The following KIAA1217 variants were observed in gnomAD, a reference collection of about 807,000 sequenced individuals.
KIAA1217 encodes the protein sickle tail protein homolog.
KIAA1217 carries 88 observed loss-of-function variants against 163.9 expected under a neutral mutation model. The observed-to-expected ratio is 0.54, with a 90% CI of 0.45 to 0.64. KIAA1217 has a LOEUF of 0.64. Ranked by LOEUF, KIAA1217 falls within the 30% of genes least tolerant of loss-of-function variation. The pLI is 0.00. For synonymous variants in KIAA1217, 903 were observed against 923.1 expected, an observed-to-expected ratio of 0.98 and a Z score of 0.39; for missense variants, 2,372 against 2,475.0, an observed-to-expected ratio of 0.96 and a Z score of 0.88.
chr10:24,483,049 A>C (rs969378056), intron 6 of KIAA1217: 1 of 151,430 alleles, frequency 6.6e-6, no homozygotes, highest in African/African-American at 2.4e-5. Context: ...GTCTGTATAT[A>C]CTCATGCAGG....
chr10:24,528,310 T>G (rs987209123), intron 14 of KIAA1217, among the ~76,000 whole-genome samples, 191 bp downstream of exon 14: 3 of 75,312 alleles, frequency 4.0e-5, no homozygotes, highest in Non-Finnish European at 6.1e-5. Context: ...TCTCTTTTTG[T>G]TTTTTTTTTT....
At chr10:24,100,657 C>T (rs1431074115) in intron 2 of KIAA1217, among the ~76,000 whole-genome samples, 1 of 152,170 alleles carries the variant, frequency 6.6e-6, no homozygotes, top group Non-Finnish European at 1.5e-5. Context: ...CAGTTGCCTT[C>T]AAGGCAATAA....
intron 1 of KIAA1217, among the ~76,000 whole-genome samples, chr10:23,959,203 T>C (rs1844709183): frequency 1.3e-5 from 2 of 152,114 alleles, no homozygotes; most frequent in Admixed American, 6.5e-5. Flanking sequence ...TTCCCTTTCT[T>C]ACCTATTGCC....
intron 1 of KIAA1217, among the ~76,000 whole-genome samples, chr10:23,969,966 T>G (rs1000645585): frequency 4.6e-5 from 7 of 151,760 alleles, no homozygotes; most frequent in African/African-American, 1.2e-4. Context: ...GCAAAAGGGG[T>G]TTTTGCCCTT....
chr10:24,482,338 G>A (rs926471197), intron 6 of KIAA1217: 3 of 152,204 alleles, frequency 2.0e-5, no homozygotes, highest in African/African-American at 7.2e-5. Context: ...AGAAACTTAA[G>A]CCAGAAAAAA....
At chr10:24,004,807 GGAA>G (rs1846918404) in intron 1 of KIAA1217, among the ~76,000 whole-genome samples, 1 of 152,208 alleles carries the variant, frequency 6.6e-6, no homozygotes, top group African/African-American at 2.4e-5. Context: ...AAGATTTGGA[GGAA>G]GAAGAGCAGA....
chr10:24,363,087 T>G (rs1022493648), intron 2 of KIAA1217, among the ~76,000 whole-genome samples: 33 of 152,222 alleles, frequency 2.2e-4, no homozygotes, highest in African/African-American at 6.8e-4. Flanking sequence ...TTACTGATAC[T>G]TTTCTTTGTG....
chr10:24,068,392 T>G (rs113347243), intron 2 of KIAA1217, among the ~76,000 whole-genome samples: 21 of 152,246 alleles, frequency 1.4e-4, no homozygotes, highest in Non-Finnish European at 2.8e-4. Context: ...ACTGTTCTAC[T>G]GAGCTCACTG....
rs190667318 is a variant in KIAA1217, at chr10:24,301,977, G to A, written c.355-78892G>A. On this transcript the variant is annotated intron_variant, in intron 2 of 20. Transcript: ENST00000376454. Reference sequence around the variant, plus strand: ...GGAGAATCACTTGAACCGGGGAGGCGGAGGCTGCAGTGAGCCGAGATCACG... The same window carrying A: ...GGAGAATCACTTGAACCGGGGAGGCAGAGGCTGCAGTGAGCCGAGATCACG... Among the ~76,000 whole-genome samples, 299 of 152,194 alleles carry A rather than the reference G, an allele frequency of 2.0e-3. 1 individual carries two copies. Among genetic ancestry groups the A allele is most frequent in the Non-Finnish European group, 2.7e-3 (185 of 68,020 alleles).
In KIAA1217 at chr10:24,406,985, G is replaced by A. The variant is rs114155416; in HGVS notation, c.553+25918G>A. ...GCACCTGTCACTGGGTGAGCGCAGA[G>A]CCTTCTATAAAAACATCAGGAACAT... On this transcript the variant is annotated intron_variant, in intron 3 of 20. Coordinates refer to ENST00000376454, the MANE Select transcript of KIAA1217 (RefSeq NM_019590.5). Among the ~76,000 whole-genome samples, 573 of 152,260 alleles carry A rather than the reference G, an allele frequency of 3.8e-3. 3 individuals are homozygous for A. The highest frequency in any genetic ancestry group is 0.013 in the African/African-American group (539 of 41,536).
chr10:24,088,394 C>T (rs1396715903), intron 2 of KIAA1217, among the ~76,000 whole-genome samples: 1 of 117,254 alleles, frequency 8.5e-6, no homozygotes, highest in African/African-American at 2.6e-5. Flanking sequence ...GTGCTGCACC[C>T]ATTAACTCGT....
At chr10:24,441,164 C>T (rs537885989) in intron 5 of KIAA1217, among the ~76,000 whole-genome samples, 3 of 152,282 alleles carry the variant, frequency 2.0e-5, no homozygotes, top group South Asian at 2.1e-4. Context: ...GCAATGTGAG[C>T]GTGGCCATGA....
intron 2 of KIAA1217, among the ~76,000 whole-genome samples, chr10:24,319,731 A>G (rs1049618231): frequency 3.3e-5 from 5 of 152,202 alleles, no homozygotes; most frequent in African/African-American, 4.8e-5. Flanking sequence ...GCAAGACCCC[A>G]ACAACTGGCC....
chr10:23,982,513 T>C (rs1030878968), intron 1 of KIAA1217, among the ~76,000 whole-genome samples: 1 of 151,272 alleles, frequency 6.6e-6, no homozygotes, highest in African/African-American at 2.4e-5. Context: ...TTCCTCTGTA[T>C]TGCTCTGTTT....
intron 2 of KIAA1217, among the ~76,000 whole-genome samples, chr10:24,164,393 GTAGCCCTA>G (rs942664059): frequency 5.3e-5 from 8 of 152,104 alleles, no homozygotes; most frequent in African/African-American, 1.9e-4. Flanking sequence ...TACTATCTTG[GTAGCCCTA>G]TCTAAAATCA....
chr10:23,934,585 A>ATG (rs1843422252), intron 1 of KIAA1217, among the ~76,000 whole-genome samples: 2 of 57,150 alleles, frequency 3.5e-5, no homozygotes, highest in East Asian at 3.9e-4. Flanking sequence ...ATATATATAT[A>ATG]TATATGTATA....
intron 1 of KIAA1217, among the ~76,000 whole-genome samples, chr10:23,864,699 G>T (rs889966767): frequency 2.0e-5 from 3 of 152,008 alleles, no homozygotes; most frequent in African/African-American, 7.2e-5. Flanking sequence ...ATTAGTCAGG[G>T]TTCTCCAGAA....
chr10:24,380,117 T>C (rs530322596), intron 2 of KIAA1217, among the ~76,000 whole-genome samples: 1 of 152,214 alleles, frequency 6.6e-6, no homozygotes, highest in South Asian at 2.1e-4. Flanking sequence ...GGAAACAGTC[T>C]TGGTATGAGA....
intron 2 of KIAA1217, among the ~76,000 whole-genome samples, chr10:24,199,080 G>C (rs1368691373): frequency 1.3e-5 from 2 of 152,146 alleles, no homozygotes; most frequent in African/African-American, 4.8e-5. Flanking sequence ...AAATTAGCCA[G>C]ACATGGTGGT....
Sources: gnomAD v4.1 joint callset for allele counts (sites outside exome capture counted in the v4.1 genomes callset) on GRCh38, gnomAD v4.1.1 for gene constraint, MANE v1.5 for transcripts, NCBI Gene and HGNC (gene_info 2026-07-23, HGNC 2026-07-21) for gene names.